The following AKT3 variants were observed in gnomAD, a reference collection of about 807,000 sequenced individuals.
AKT3 encodes the protein RAC-gamma serine/threonine-protein kinase.
In AKT3, 15 loss-of-function variants were observed where a neutral mutation model predicts 65.3. That is an observed-to-expected ratio of 0.23 (90% CI 0.15 to 0.35). The LOEUF (loss-of-function observed/expected upper bound fraction) is 0.35, where lower values mean the gene tolerates loss of function less well. Ranked by LOEUF, AKT3 falls within the 10% of genes least tolerant of loss-of-function variation. The pLI is 1.00. For synonymous variants in AKT3, 206 were observed against 183.8 expected, an observed-to-expected ratio of 1.12 and a Z score of -0.98; for missense variants, 243 against 576.5, an observed-to-expected ratio of 0.42 and a Z score of 5.92.
chr1:243,700,669 A>AT (rs1217409724), intron 2 of AKT3, among the ~76,000 whole-genome samples: 4 of 151,878 alleles, frequency 2.6e-5, no homozygotes, highest in Admixed American at 6.6e-5. Flanking sequence ...ACACCCACCC[A>AT]TTTTTTGTAT....
intron 2 of AKT3, among the ~76,000 whole-genome samples, chr1:243,732,448 G>A (rs756771424): frequency 1.3e-5 from 2 of 152,162 alleles, no homozygotes; most frequent in African/African-American, 2.4e-5. Context: ...CAGCAAATGT[G>A]TTTTTAAATA....
intron 2 of AKT3, among the ~76,000 whole-genome samples, chr1:243,841,177 T>C (rs896301299): frequency 9.8e-6 from 1 of 101,850 alleles, no homozygotes; most frequent in Admixed American, 1.1e-4. Context: ...CAAATTCTTA[T>C]TCATTTTTTT....
At chr1:243,498,590 C>A (rs779870768), downstream of AKT3, among the ~76,000 whole-genome samples, 2 of 152,256 alleles carry the variant, frequency 1.3e-5, no homozygotes, top group Non-Finnish European at 2.9e-5. Flanking sequence ...CAGGGTCTCT[C>A]ACACACTGGG....
chr1:243,586,483 T>G (rs1188471842), intron 8 of AKT3, among the ~76,000 whole-genome samples: 1 of 152,034 alleles, frequency 6.6e-6, no homozygotes, highest in Non-Finnish European at 1.5e-5. Flanking sequence ...AGCAAAGACA[T>G]GGATAGACCG....
At chr1:243,656,611 T>C (rs1681814734) in intron 4 of AKT3, among the ~76,000 whole-genome samples, 1 of 152,158 alleles carries the variant, frequency 6.6e-6, no homozygotes, top group African/African-American at 2.4e-5. Flanking sequence ...GGATACGAGG[T>C]GTTCCTAGCA....
intron 2 of AKT3, among the ~76,000 whole-genome samples, chr1:243,714,554 C>T (rs1467236272): frequency 1.3e-5 from 2 of 152,114 alleles, no homozygotes; most frequent in African/African-American, 4.8e-5. Context: ...AACTCTTCCT[C>T]ATATACATCA....
At chr1:243,533,514 A>G (rs1671687741) in intron 12 of AKT3, among the ~76,000 whole-genome samples, 2 of 152,368 alleles carry the variant, frequency 1.3e-5, no homozygotes, top group South Asian at 4.1e-4. Context: ...TGAATTAGTT[A>G]TAAGTGTATA....
At chr1:243,733,914 TAAAC>T (rs748370626) in intron 2 of AKT3, among the ~76,000 whole-genome samples, 7 of 152,290 alleles carry the variant, frequency 4.6e-5, no homozygotes, top group Non-Finnish European at 7.4e-5. Context: ...AAAGTGCAAT[TAAAC>T]AAAGCACAAT....
intron 6 of AKT3, among the ~76,000 whole-genome samples, chr1:243,617,298 G>A (rs1264779984): frequency 4.6e-5 from 7 of 152,102 alleles, no homozygotes; most frequent in African/African-American, 1.7e-4. Flanking sequence ...GTGTTAATGG[G>A]AAAAACCAGA....
At chr1:243,760,198 C>T (rs186731351) in intron 2 of AKT3, among the ~76,000 whole-genome samples, 30 of 151,954 alleles carry the variant, frequency 2.0e-4, no homozygotes, top group Admixed American at 5.2e-4. Context: ...TTGCCCACTG[C>T]AGCCTCAACC....
chr1:243,743,105 C>A (rs1366546633), intron 2 of AKT3, among the ~76,000 whole-genome samples: 4 of 152,020 alleles, frequency 2.6e-5, no homozygotes, highest in Admixed American at 1.3e-4. Flanking sequence ...ACGGAAGGCT[C>A]GAAAATGTAG....
chr1:243,547,699 C>G (rs889116928), intron 11 of AKT3, among the ~76,000 whole-genome samples: 1 of 152,082 alleles, frequency 6.6e-6, no homozygotes, highest in African/African-American at 2.4e-5. Context: ...TTATATAATT[C>G]TAATGAATTC....
chr1:243,820,891 C>G (rs1430697576), intron 2 of AKT3, among the ~76,000 whole-genome samples: 1 of 152,090 alleles, frequency 6.6e-6, no homozygotes, highest in Non-Finnish European at 1.5e-5. Context: ...CTTCCCCAAC[C>G]TAGTAAGACA....
Position 243,850,067 on chromosome 1 carries a change from C to T in AKT3, c.-140G>A. 1 of 961,700 alleles carries T rather than the reference C, an allele frequency of 1.0e-6. No individual in the cohort carries two copies. The highest frequency in any genetic ancestry group is 1.2e-6 in the Non-Finnish European group (1 of 812,772). 59.6% of individuals were successfully genotyped at this position (961,700 alleles called of 1,614,324 possible). ...GCAACGGCGGCGGCGGCGGTGGCGGCCCCGCAGCTGCTCGGGCGGCGGCGG... is the reference window on the plus strand; with the variant it reads ...GCAACGGCGGCGGCGGCGGTGGCGGTCCCGCAGCTGCTCGGGCGGCGGCGG... On this transcript the variant is annotated 5_prime_UTR_variant, in exon 1 of 14. Transcript: ENST00000673466.
chr1:243,720,039 G>A (rs558660375), intron 2 of AKT3, among the ~76,000 whole-genome samples: 9 of 152,248 alleles, frequency 5.9e-5, no homozygotes, highest in South Asian at 2.1e-4. Context: ...GTGGCCGGGC[G>A]CGGTGCCTCA....
At chr1:243,677,883 T>C (rs1683635384) in intron 3 of AKT3, among the ~76,000 whole-genome samples, 1 of 152,094 alleles carries the variant, frequency 6.6e-6, no homozygotes. Context: ...GGTCAGGAGT[T>C]CGAGACCAGC....
At chr1:243,610,919 T>C (rs1282338087) in intron 8 of AKT3, among the ~76,000 whole-genome samples, 2 of 152,208 alleles carry the variant, frequency 1.3e-5, no homozygotes, top group Non-Finnish European at 1.5e-5. Flanking sequence ...ACTGCATGAA[T>C]GTAACTTTAT....
intron 13 of AKT3, among the ~76,000 whole-genome samples, chr1:243,506,411 T>G (rs1035354271): frequency 6.6e-6 from 1 of 152,236 alleles, no homozygotes; most frequent in Admixed American, 6.5e-5. Flanking sequence ...TTTTGAATAT[T>G]CTAACCTCTC....
At chr1:243,832,472 A>G (rs1694601152) in intron 2 of AKT3, among the ~76,000 whole-genome samples, 1 of 152,212 alleles carries the variant, frequency 6.6e-6, no homozygotes, top group African/African-American at 2.4e-5. Flanking sequence ...CAGTAGTAGT[A>G]TAGTAACTTG....
Sources: allele counts gnomAD v4.1 joint callset (sites outside exome capture counted in the v4.1 genomes callset), GRCh38; gene constraint gnomAD v4.1.1; transcripts MANE v1.5; gene names NCBI Gene and HGNC (gene_info 2026-07-23, HGNC 2026-07-21).